The following GRIN3A variants were observed in gnomAD, a reference collection of about 807,000 sequenced individuals.
GRIN3A encodes the protein glutamate ionotropic receptor NMDA type subunit 3A.
GRIN3A carries 47 observed loss-of-function variants against 92.4 expected under a neutral mutation model. The observed-to-expected ratio is 0.51, with a 90% confidence interval of 0.40 to 0.65. The LOEUF (loss-of-function observed/expected upper bound fraction) is 0.65, where lower values mean the gene tolerates loss of function less well. Ranked by LOEUF, GRIN3A falls within the 30% of genes least tolerant of loss-of-function variation. GRIN3A has a pLI of 0.00. For missense variants in GRIN3A, 1,324 were observed against 1,393.1 expected (o/e 0.95, Z 0.79); for synonymous variants, 527 against 540.6 (o/e 0.97, Z 0.35).
At chr9:101,589,370 A>T (rs1827994101) in intron 6 of GRIN3A, among the ~76,000 whole-genome samples, 1 of 152,204 alleles carries the variant, frequency 6.6e-6, no homozygotes, top group Non-Finnish European at 1.5e-5. Context: ...ATGACTTGTG[A>T]TGTGTAAAAT....
At position 101,686,862 on chromosome 9, in the gene GRIN3A, C is replaced by A. The variant is rs928187418; in HGVS notation, c.1038G>T (p.Gly346=). Residue 346 remains glycine (G), a synonymous_variant, in exon 2 of 9, where the codon GGG becomes GGT. Coordinates refer to ENST00000361820, the MANE Select transcript of GRIN3A (RefSeq NM_133445.3). ...RRIFEITTQF[G]VMPPELRWVL... Reference sequence around the variant, plus strand: ...CCCAACGAAGTTCAGGGGGCATGACCCCAAACTGGGTTGTAATTTCGAAAA... The same window carrying A: ...CCCAACGAAGTTCAGGGGGCATGACACCAAACTGGGTTGTAATTTCGAAAA... The A allele has an allele frequency of 1.9e-6, 3 of 1,614,068 alleles. No individual in the cohort carries two copies. The African/African-American group carries it at 4.0e-5, about 22-fold the overall frequency.
chr9:101,680,953 A>G (rs1180458368), intron 2 of GRIN3A, among the ~76,000 whole-genome samples: 1 of 152,222 alleles, frequency 6.6e-6, no homozygotes, highest in East Asian at 1.9e-4. Flanking sequence ...TAATTAGTCA[A>G]AGGGTTAGGG....
chr9:101,596,842 T>C (rs190950110), intron 6 of GRIN3A, among the ~76,000 whole-genome samples: 3 of 152,342 alleles, frequency 2.0e-5, no homozygotes, highest in Admixed American at 1.3e-4. Context: ...AGGATCCCAC[T>C]GGGTTTAAGG....
intron 1 of GRIN3A, among the ~76,000 whole-genome samples, chr9:101,713,468 GGT>G (rs1401890726): frequency 6.6e-6 from 1 of 152,168 alleles, no homozygotes; most frequent in African/African-American, 2.4e-5. Flanking sequence ...ATAGAGCCTA[GGT>G]ATGTATTCAG....
chr9:101,696,231 G>C (rs1338431038), intron 1 of GRIN3A, among the ~76,000 whole-genome samples: 1 of 152,202 alleles, frequency 6.6e-6, no homozygotes, highest in African/African-American at 2.4e-5. Context: ...GAGATGTGGG[G>C]ACCACATGAT....
At chr9:101,645,291 T>C (rs1291597734) in intron 3 of GRIN3A, among the ~76,000 whole-genome samples, 2 of 151,890 alleles carry the variant, frequency 1.3e-5, no homozygotes, top group Non-Finnish European at 2.9e-5. Flanking sequence ...CTTAAACTAA[T>C]GACCTCCAGT....
At chr9:101,725,044 ATAATT>A (rs1158315738) in intron 1 of GRIN3A, among the ~76,000 whole-genome samples, 2 of 152,212 alleles carry the variant, frequency 1.3e-5, no homozygotes, top group Non-Finnish European at 2.9e-5. Flanking sequence ...CAAAATCTAG[ATAATT>A]TAATACAGTT....
At chr9:101,642,423 A>T (rs1326422825) in intron 3 of GRIN3A, among the ~76,000 whole-genome samples, 1 of 152,200 alleles carries the variant, frequency 6.6e-6, no homozygotes, top group Non-Finnish European at 1.5e-5. Context: ...GTTGGCAATG[A>T]CTTTATGAAT....
rs1051312614 is a variant in GRIN3A at position 101,674,589 on chromosome 9, G to A, written c.1305-3482C>T. Among the ~76,000 whole-genome samples the A allele has an allele frequency of 3.9e-5, 6 of 152,116 alleles. No homozygotes were observed. In the South Asian group the frequency reaches 1.0e-3, roughly 26 times the overall value. On this transcript the variant is annotated intron_variant, in intron 2 of 8. Coordinates refer to ENST00000361820, the MANE Select transcript of GRIN3A (RefSeq NM_133445.3). ...TATAAATAAGACCTGTTAGTATTTA[G>A]TTGAATATAAACTCAATGTAAGCCC...
rs182446075 is a variant in GRIN3A at position 101,730,535 on chromosome 9, A to T, written c.699+6746T>A. On this transcript the variant is annotated intron_variant, in intron 1 of 8. Transcript: ENST00000361820. Reference sequence around the variant, plus strand: ...CATCAGGTATGTTTTCCAAGGTAGGATGTCTAAAAAGTTGTACAGCCAAGA... The same window carrying T: ...CATCAGGTATGTTTTCCAAGGTAGGTTGTCTAAAAAGTTGTACAGCCAAGA... Among the ~76,000 whole-genome samples, 12 of 152,268 alleles carry T rather than the reference A, an allele frequency of 7.9e-5. No individual in the cohort carries two copies. In the East Asian group the frequency reaches 2.1e-3, roughly 27 times the overall value.
intron 1 of GRIN3A, among the ~76,000 whole-genome samples, chr9:101,711,933 G>C (rs570597567): frequency 6.6e-6 from 1 of 152,160 alleles, no homozygotes; most frequent in Non-Finnish European, 1.5e-5. Flanking sequence ...GCAGGGTAAA[G>C]GTCTGAACCT....
chr9:101,672,271 G>A (rs1829338084), intron 2 of GRIN3A, among the ~76,000 whole-genome samples: 1 of 152,150 alleles, frequency 6.6e-6, no homozygotes, highest in African/African-American at 2.4e-5. Flanking sequence ...AATAATTTAT[G>A]TAAAGCACAT....
In GRIN3A at chr9:101,690,226, G is replaced by A. The variant is rs551922729; in HGVS notation, c.700-3026C>T. On this transcript the variant is annotated intron_variant, in intron 1 of 8. Coordinates refer to ENST00000361820, the MANE Select transcript of GRIN3A (RefSeq NM_133445.3). ...TATTTATATTATCACATACTTTAAT[G>A]TAGCTATATTATTTTTCATATTGTA... is the stretch of plus-strand genomic sequence containing the variant. Among the ~76,000 whole-genome samples, 6 of 152,188 alleles carry A rather than the reference G, an allele frequency of 3.9e-5. No individual in the cohort carries two copies. In the South Asian group the frequency reaches 1.2e-3, roughly 32 times the overall value.
At chr9:101,710,457 C>G (rs1829864852) in intron 1 of GRIN3A, among the ~76,000 whole-genome samples, 1 of 152,174 alleles carries the variant, frequency 6.6e-6, no homozygotes, top group Admixed American at 6.5e-5. Flanking sequence ...TGGCAGATGA[C>G]TGATGCCCCA....
intron 1 of GRIN3A, among the ~76,000 whole-genome samples, chr9:101,731,503 T>C (rs924580555): frequency 5.3e-5 from 8 of 152,242 alleles, no homozygotes; most frequent in African/African-American, 1.4e-4. Context: ...TAATTCATCC[T>C]GACTGAAAAA....
chr9:101,650,837 T>G (rs533414025), intron 3 of GRIN3A, among the ~76,000 whole-genome samples: 2 of 152,110 alleles, frequency 1.3e-5, no homozygotes, highest in South Asian at 4.2e-4. Context: ...ACATTTTGTT[T>G]TCTCAAAGGT....
intron 6 of GRIN3A, among the ~76,000 whole-genome samples, chr9:101,611,713 G>A (rs1828370528): frequency 6.6e-6 from 1 of 151,910 alleles, no homozygotes; most frequent in Non-Finnish European, 1.5e-5. Flanking sequence ...TTTAATGAAG[G>A]GACACACTAA....
chr9:101,576,646 A>C (rs973024058), intron 8 of GRIN3A, among the ~76,000 whole-genome samples: 3 of 152,164 alleles, frequency 2.0e-5, no homozygotes, highest in Non-Finnish European at 2.9e-5. Context: ...ATTTATGTTA[A>C]AAATAGAAAA....
chr9:101,652,358 C>T (rs1196561926), intron 3 of GRIN3A, among the ~76,000 whole-genome samples: 2 of 151,880 alleles, frequency 1.3e-5, no homozygotes, highest in Non-Finnish European at 2.9e-5. Context: ...ATCAAAGTGG[C>T]ATGGGCAGTT....
Sources: gnomAD v4.1 joint callset for allele counts (sites outside exome capture counted in the v4.1 genomes callset) on GRCh38, gnomAD v4.1.1 for gene constraint, MANE v1.5 for transcripts, NCBI Gene and HGNC (gene_info 2026-07-23, HGNC 2026-07-21) for gene names.